COLEC10: variants seen among roughly 807,000 people sequenced by gnomAD.
COLEC10 encodes the protein collectin subfamily member 10.
In COLEC10, 22 loss-of-function variants were observed where a neutral mutation model predicts 28.4. That is an observed-to-expected ratio of 0.78 (90% CI 0.55 to 1.11). The LOEUF is 1.11. COLEC10 is among the 50% of genes least tolerant of loss of function. The pLI is 0.00. For missense variants in COLEC10, 361 were observed against 344.1 expected, an observed-to-expected ratio of 1.05 and a Z score of -0.39; for synonymous variants, 125 against 116.1, an observed-to-expected ratio of 1.08 and a Z score of -0.49.
chr8:119,025,471 G>A (rs1050725424), intron 2 of COLEC10, among the ~76,000 whole-genome samples: 1 of 152,156 alleles, frequency 6.6e-6, no homozygotes, highest in African/African-American at 2.4e-5. Context: ...CACCCCTGTG[G>A]CCTTAGGTCA....
intron 3 of COLEC10, among the ~76,000 whole-genome samples, chr8:119,101,067 T>C (rs1238241718): frequency 6.6e-6 from 1 of 152,138 alleles, no homozygotes; most frequent in African/African-American, 2.4e-5. Context: ...GCATGCAACA[T>C]GGGGCGCCCT....
intron 2 of COLEC10, among the ~76,000 whole-genome samples, chr8:119,044,601 T>C (rs918089261): frequency 6.6e-6 from 1 of 152,024 alleles, no homozygotes; most frequent in African/African-American, 2.4e-5. Context: ...TCCCAGCACT[T>C]TGGGAGGCCA....
chr8:119,070,582 T>G, intron 1 of COLEC10, among the ~76,000 whole-genome samples: 1 of 92,844 alleles, frequency 1.1e-5, no homozygotes. Flanking sequence ...CCACCCCTTC[T>G]CTCTCTCTCT....
At chr8:119,046,370 C>T (rs1348592136) in intron 2 of COLEC10, among the ~76,000 whole-genome samples, 1 of 152,138 alleles carries the variant, frequency 6.6e-6, no homozygotes, top group Non-Finnish European at 1.5e-5. Context: ...CAACCTTCAT[C>T]CTAGCAACCT....
intron 2 of COLEC10, among the ~76,000 whole-genome samples, chr8:119,043,592 C>T (rs1814534536): frequency 1.3e-5 from 2 of 152,202 alleles, no homozygotes; most frequent in Non-Finnish European, 2.9e-5. Flanking sequence ...TATACATAAA[C>T]AATTTTGCTT....
chr8:118,952,672 A>G, the COLEC10 span, among the ~76,000 whole-genome samples: 1 of 152,128 alleles, frequency 6.6e-6, no homozygotes, highest in Non-Finnish European at 1.5e-5. Flanking sequence ...CTTGCGGAGC[A>G]CTGTTCCCTT....
rs1815993970 is a variant in COLEC10 at position 119,108,309 on chromosome 8, T to A, written c.*2118T>A. Among the ~76,000 whole-genome samples the A allele has an allele frequency of 1.3e-5, 2 of 152,136 alleles. No individual in the cohort carries two copies. The highest frequency in any genetic ancestry group is 4.8e-5 in the African/African-American group (2 of 41,450). ...TGTAAGAAGAGAGGAAGGAGAGACA[T>A]GCAGCAAATGTTGCCTACGGGCAAC... On this transcript the variant is annotated 3_prime_UTR_variant, in exon 6 of 6. Transcript: ENST00000332843.
chr8:119,104,926 G>A (rs973339309), intron 5 of COLEC10, among the ~76,000 whole-genome samples: 3 of 152,048 alleles, frequency 2.0e-5, no homozygotes, highest in Admixed American at 1.3e-4. Context: ...CTATGTAGAG[G>A]CCGCTGACAC....
At chr8:119,029,090 G>C (rs1270145303) in intron 2 of COLEC10, among the ~76,000 whole-genome samples, 1 of 152,086 alleles carries the variant, frequency 6.6e-6, no homozygotes, top group East Asian at 1.9e-4. Flanking sequence ...ATGTAACAGG[G>C]GCACCTCACT....
Position 119,067,361 on chromosome 8 carries a change from G to C in COLEC10, c.80G>C (p.Gly27Ala), listed in dbSNP as rs1438916481. The C allele has an allele frequency of 6.2e-7, 1 of 1,614,008 alleles. No individual in the cohort carries two copies. Among genetic ancestry groups the C allele is most frequent in the Non-Finnish European group, 8.5e-7 (1 of 1,179,958 alleles). The change falls in exon 1 of 6, where the codon GGT becomes GCT. Residue 27 changes from glycine (G) to alanine (A), a missense_variant. Gly to Ala is a moderately conservative substitution (Grantham distance 60, BLOSUM62 0). Around this residue, in one of 3 missense-constraint regions of COLEC10, gnomAD observed 335 missense variants for 308.5 expected, o/e 1.09. Transcript: ENST00000332843. ...VLFLLQIQSL[G>A]LDIDSRPTAE... ...TTTCTTTTGCAAATTCAGAGTCTGG[G>C]TCTGGATATTGATAGCCGTCCTACC...
the COLEC10 span, among the ~76,000 whole-genome samples, chr8:118,975,699 A>C: frequency 1.6e-4 from 25 of 152,098 alleles, no homozygotes; most frequent in African/African-American, 6.0e-4. Context: ...ATTTCCTAAG[A>C]GAGTGATAAG....
chr8:119,086,607 C>G (rs1244540493), intron 1 of COLEC10, among the ~76,000 whole-genome samples: 6 of 152,176 alleles, frequency 3.9e-5, no homozygotes, highest in African/African-American at 2.4e-5. Context: ...AGATCTCCAT[C>G]AAGAGCCACC....
the COLEC10 span, among the ~76,000 whole-genome samples, chr8:118,975,247 T>G: frequency 0.02 from 3,079 of 152,160 alleles, 104 homozygotes; most frequent in African/African-American, 0.07. Context: ...AGAGTGAAAT[T>G]AGAAAAGCAT....
At chr8:119,020,357 G>A (rs574069001) in intron 2 of COLEC10, among the ~76,000 whole-genome samples, 117 of 152,196 alleles carry the variant, frequency 7.7e-4, no homozygotes, top group Non-Finnish European at 1.2e-3. Context: ...TGTTTTAGGT[G>A]CTTAGAATAC....
intron 2 of COLEC10, among the ~76,000 whole-genome samples, chr8:119,061,578 C>A (rs892319918): frequency 1.3e-5 from 2 of 151,984 alleles, no homozygotes; most frequent in Non-Finnish European, 2.9e-5. Context: ...CTTTATACCT[C>A]AGGGTAAAAA....
the COLEC10 span, among the ~76,000 whole-genome samples, chr8:118,976,872 A>G: frequency 2.0e-5 from 3 of 152,028 alleles, no homozygotes; most frequent in African/African-American, 4.8e-5. Context: ...CTAATATCCA[A>G]AATCTACAAT....
chr8:119,049,475 C>T (rs541915614), intron 2 of COLEC10, among the ~76,000 whole-genome samples: 2 of 125,608 alleles, frequency 1.6e-5, no homozygotes, highest in Middle Eastern at 6.3e-3. Flanking sequence ...AGTGCCGTGG[C>T]GCAATCTGGG....
the COLEC10 span, among the ~76,000 whole-genome samples, chr8:118,983,987 T>C: frequency 2.0e-5 from 3 of 149,920 alleles, no homozygotes; most frequent in Non-Finnish European, 4.4e-5. Context: ...TTACTGGGTA[T>C]ATATTCAAAG....
intron 2 of COLEC10, among the ~76,000 whole-genome samples, chr8:119,039,269 GTTTTCA>G (rs1814450887): frequency 6.6e-6 from 1 of 152,120 alleles, no homozygotes; most frequent in African/African-American, 2.4e-5. Flanking sequence ...TTACCCTGCA[GTTTTCA>G]ATATGAAATA....
Sources: gnomAD v4.1 joint callset for allele counts (sites outside exome capture counted in the v4.1 genomes callset) on GRCh38, gnomAD v4.1.1 for gene constraint, gnomAD v4.1.1 regional missense constraint, MANE v1.5 for transcripts, NCBI Gene and HGNC (gene_info 2026-07-23, HGNC 2026-07-21) for gene names.